The following CAMK1D variants were observed in gnomAD, a reference collection of about 807,000 sequenced individuals.
CAMK1D encodes the protein calcium/calmodulin dependent protein kinase ID.
In CAMK1D, 9 loss-of-function variants were observed where a neutral mutation model predicts 47.7. The observed-to-expected ratio is 0.19, with a 90% confidence interval of 0.11 to 0.33. The LOEUF is 0.33. Among genes scored for constraint, CAMK1D ranks in the 10% least tolerant of loss-of-function variants. The pLI, the probability that CAMK1D is intolerant of heterozygous loss-of-function variation, is 1.00. For synonymous variants in CAMK1D, 184 were observed against 184.9 expected, an observed-to-expected ratio of 0.99 and a Z score of 0.04; for missense variants, 291 against 488.7, an observed-to-expected ratio of 0.60 and a Z score of 3.81.
In CAMK1D at chr10:12,554,282, C is replaced by T. The variant is rs763827703; in HGVS notation, c.224+926C>T. Among the ~76,000 whole-genome samples, 10 of 79,082 alleles carry T rather than the reference C, an allele frequency of 1.3e-4. 3 individuals are homozygous for T. The highest frequency in any genetic ancestry group is 3.2e-4 in the Non-Finnish European group (9 of 28,012). 51.9% of individuals were successfully genotyped at this position (79,082 alleles called of 152,430 possible). A position where few individuals can be genotyped will look rare whatever the true frequency, so the allele number is the denominator to read the frequency against. ...AAGCGATTCTCCCGCCTCAGCCTCC[C>T]GAAGCTGGGATTACAGGCATCTGCC... is the stretch of plus-strand genomic sequence containing the variant. On this transcript the variant is annotated intron_variant, in intron 2 of 10. Transcript: ENST00000619168.
chr10:12,431,591 G>A (rs1405212856), intron 1 of CAMK1D, among the ~76,000 whole-genome samples: 4 of 152,286 alleles, frequency 2.6e-5, no homozygotes, highest in South Asian at 2.1e-4. Flanking sequence ...CCTTCAGAGC[G>A]CCTGCCTATC....
intron 1 of CAMK1D, among the ~76,000 whole-genome samples, chr10:12,432,954 G>A (rs1047827048): frequency 2.0e-5 from 3 of 152,218 alleles, no homozygotes; most frequent in African/African-American, 7.2e-5. Context: ...CGGGATTAGA[G>A]TAAATGCCAG....
intron 6 of CAMK1D, among the ~76,000 whole-genome samples, chr10:12,802,446 T>C (rs1239800660): frequency 6.6e-6 from 1 of 152,188 alleles, no homozygotes; most frequent in Non-Finnish European, 1.5e-5. Context: ...TCTCCTCCCA[T>C]CTGTCTTCAG....
At chr10:12,425,089 C>T (rs1029076800) in intron 1 of CAMK1D, among the ~76,000 whole-genome samples, 1 of 152,090 alleles carries the variant, frequency 6.6e-6, no homozygotes, top group Non-Finnish European at 1.5e-5. Flanking sequence ...GGGGGCTATG[C>T]CACATCTTCA....
At chr10:12,613,947 C>T (rs1343279568) in intron 2 of CAMK1D, among the ~76,000 whole-genome samples, 3 of 152,190 alleles carry the variant, frequency 2.0e-5, no homozygotes, top group African/African-American at 7.2e-5. Flanking sequence ...AGTCTGACGG[C>T]AGAGGCTGTG....
In CAMK1D at chr10:12,814,368, G is replaced by A. The variant is rs968452043; in HGVS notation, c.754+61G>A. 1.8e-5 allele frequency: 20 copies of A among 1,085,676 alleles called. No homozygotes were observed. The African/African-American group carries it at 2.2e-4, about 12-fold the overall frequency. 67.3% of individuals were successfully genotyped at this position (1,085,676 alleles called of 1,614,324 possible). On this transcript the variant is annotated intron_variant, in intron 7 of 10. Coordinates refer to ENST00000619168, the MANE Select transcript of CAMK1D (RefSeq NM_153498.4). ...CCCGCGACACTTACACCCAGACCAC[G>A]TGACCCTGACAGGCCCAGGGGACCC...
chr10:12,695,698 C>T (rs555275238), intron 3 of CAMK1D, among the ~76,000 whole-genome samples: 5 of 152,008 alleles, frequency 3.3e-5, no homozygotes, highest in Non-Finnish European at 7.4e-5. Flanking sequence ...TTTTGGTTAC[C>T]CTGGATAGAG....
At chr10:12,734,431 T>G (rs12784725) in intron 3 of CAMK1D, among the ~76,000 whole-genome samples, 6 of 26,130 alleles carry the variant, frequency 2.3e-4, no homozygotes, top group African/African-American at 7.9e-4. Flanking sequence ...TGTATATATA[T>G]ATACACACAC....
rs1028146419 is a variant in CAMK1D at position 12,442,813 on chromosome 10, T to C, written c.92+92903T>C. 8.0e-4 allele frequency among the ~76,000 whole-genome samples: 122 copies of C among 152,310 alleles called. 1 individual carries two copies. Among genetic ancestry groups the C allele is most frequent in the African/African-American group, 2.7e-3 (113 of 41,574 alleles). ...CATTTTAGGAAAAGTGAAAACCGAC[T>C]TCATCCGTTTCATTTGTAAGGAGAA... On this transcript the variant is annotated intron_variant, in intron 1 of 10. Coordinates refer to ENST00000619168, the MANE Select transcript of CAMK1D (RefSeq NM_153498.4).
intron 2 of CAMK1D, among the ~76,000 whole-genome samples, chr10:12,615,869 T>TGG (rs1838784940): frequency 1.4e-4 from 1 of 7,406 alleles, no homozygotes; most frequent in South Asian, 0.1. Context: ...TATGCATGTA[T>TGG]GTGTATAAGT....
chr10:12,579,318 G>T (rs1194473065), intron 2 of CAMK1D, among the ~76,000 whole-genome samples: 2 of 152,138 alleles, frequency 1.3e-5, no homozygotes, highest in African/African-American at 4.8e-5. Flanking sequence ...TCCTTCTTCT[G>T]AATCCTGTGT....
At chr10:12,689,504 G>C (rs941307530) in intron 3 of CAMK1D, among the ~76,000 whole-genome samples, 2 of 152,228 alleles carry the variant, frequency 1.3e-5, no homozygotes, top group South Asian at 4.2e-4. Flanking sequence ...CTTGCCGGGC[G>C]TGGTGGTGAC....
At position 12,751,050 on chromosome 10, in the gene CAMK1D, CAATA is replaced by C. The variant is rs1276205164; in HGVS notation, c.300-9896_300-9893del. ...CCTGGGTGACGGAGCCCGTCTCCCC[CAATA>C]AGATAAGATAAGATAAGATAAGATA... On this transcript the variant is annotated intron_variant, in intron 3 of 10. Coordinates refer to ENST00000619168, the MANE Select transcript of CAMK1D (RefSeq NM_153498.4). Among the ~76,000 whole-genome samples the C allele has an allele frequency of 7.5e-5, 10 of 132,658 alleles. 1 individual carries two copies. The highest frequency in any genetic ancestry group is 2.4e-4 in the African/African-American group (8 of 32,770). The allele number at this position is 132,658 out of a possible 152,430, so 87.0% of individuals were successfully genotyped here. A position where few individuals can be genotyped will look rare whatever the true frequency, so the allele number is the denominator to read the frequency against.
At chr10:12,734,448 G>GA (rs1835074572) in intron 3 of CAMK1D, among the ~76,000 whole-genome samples, 4 of 4,482 alleles carry the variant, frequency 8.9e-4, no homozygotes, top group African/African-American at 1.1e-3. Flanking sequence ...ACACACATAT[G>GA]TGTATATATA....
intron 1 of CAMK1D, among the ~76,000 whole-genome samples, chr10:12,440,351 C>G (rs1832750993): frequency 6.7e-6 from 1 of 148,950 alleles, no homozygotes; most frequent in Non-Finnish European, 1.5e-5. Flanking sequence ...GTGGCATGAT[C>G]TTGGCTCACT....
intron 3 of CAMK1D, among the ~76,000 whole-genome samples, chr10:12,687,686 G>T (rs1184268250): frequency 6.6e-6 from 1 of 152,218 alleles, no homozygotes; most frequent in Non-Finnish European, 1.5e-5. Flanking sequence ...ATTTGCCCCA[G>T]TGCAAACAAG....
intron 1 of CAMK1D, among the ~76,000 whole-genome samples, chr10:12,538,750 G>A (rs983794368): frequency 3.3e-5 from 5 of 151,936 alleles, no homozygotes; most frequent in South Asian, 4.2e-4. Flanking sequence ...CACACAGACC[G>A]TGCATGCTTA....
chr10:12,785,128 T>G (rs1374852906), intron 5 of CAMK1D, among the ~76,000 whole-genome samples: 1 of 152,206 alleles, frequency 6.6e-6, no homozygotes, highest in African/African-American at 2.4e-5. Flanking sequence ...TGGGCAAGCC[T>G]AAGGGATATC....
At chr10:12,569,300 A>G (rs2050913427) in intron 2 of CAMK1D, among the ~76,000 whole-genome samples, 1 of 152,194 alleles carries the variant, frequency 6.6e-6, no homozygotes, top group African/African-American at 2.4e-5. Context: ...AGAATTTTTC[A>G]TAGTGTCTTT....
Sources: allele counts gnomAD v4.1 joint callset (sites outside exome capture counted in the v4.1 genomes callset), GRCh38; gene constraint gnomAD v4.1.1; transcripts MANE v1.5; gene names NCBI Gene and HGNC (gene_info 2026-07-23, HGNC 2026-07-21).